CDK14: variants seen among roughly 807,000 people sequenced by gnomAD.
CDK14 encodes cyclin dependent kinase 14.
In CDK14, 34 loss-of-function variants were observed where a neutral mutation model predicts 60.7. The ratio of observed to expected loss-of-function variants is 0.56; its 90% CI spans 0.43 to 0.75. The LOEUF (loss-of-function observed/expected upper bound fraction) is 0.75, where lower values mean the gene tolerates loss of function less well. Among genes scored for constraint, CDK14 ranks in the 30% least tolerant of loss-of-function variants. The pLI is 0.00. For missense variants in CDK14, 482 were observed against 564.1 expected (o/e 0.85, Z 1.47); for synonymous variants, 197 against 203.7 (o/e 0.97, Z 0.28).
intron 9 of CDK14, among the ~76,000 whole-genome samples, chr7:90,958,371 A>G (rs529081742): frequency 6.6e-6 from 1 of 152,306 alleles, no homozygotes; most frequent in African/African-American, 2.4e-5. Context: ...AGAAAATCAG[A>G]TAATCATACA....
chr7:90,911,131 C>A (rs185638691), intron 7 of CDK14, among the ~76,000 whole-genome samples: 235 of 152,268 alleles, frequency 1.5e-3, no homozygotes, highest in African/African-American at 5.4e-3. Flanking sequence ...ATCTACCTGG[C>A]AGAGGTGTTG....
intron 2 of CDK14, among the ~76,000 whole-genome samples, chr7:90,700,055 C>T (rs1386622967): frequency 1.3e-5 from 2 of 152,062 alleles, no homozygotes; most frequent in Non-Finnish European, 1.5e-5. Context: ...GTCCCCAAAG[C>T]TATATTTTTC....
At chr7:91,058,477 C>G (rs1284542792) in intron 11 of CDK14, among the ~76,000 whole-genome samples, 1 of 152,178 alleles carries the variant, frequency 6.6e-6, no homozygotes, top group Non-Finnish European at 1.5e-5. Flanking sequence ...GCATCCCTGT[C>G]TTGTGCCAGT....
At chr7:90,977,054 T>G (rs1440448569) in intron 9 of CDK14, among the ~76,000 whole-genome samples, 1 of 152,178 alleles carries the variant, frequency 6.6e-6, no homozygotes, top group Non-Finnish European at 1.5e-5. Flanking sequence ...TTCTAGTAGT[T>G]TTACCGTTTT....
At chr7:91,160,116 A>G (rs1801121305) in intron 14 of CDK14, among the ~76,000 whole-genome samples, 1 of 152,230 alleles carries the variant, frequency 6.6e-6, no homozygotes, top group Non-Finnish European at 1.5e-5. Context: ...GAGATGATAC[A>G]AAGATTTCCT....
At chr7:91,071,408 G>A (rs1445331857) in intron 11 of CDK14, among the ~76,000 whole-genome samples, 6 of 151,830 alleles carry the variant, frequency 4.0e-5, no homozygotes, top group East Asian at 3.9e-4. Context: ...AGTGTAGTGC[G>A]GCGGCCCACC....
chr7:90,710,665 T>G (rs1191838090), intron 2 of CDK14: 1 of 489,584 alleles, frequency 2.0e-6, no homozygotes. Context: ...CCAGCTCTAA[T>G]AGTAGACTAT....
chr7:90,863,362 C>A, intron 6 of CDK14, 93 bp downstream of exon 6: 1 of 639,990 alleles, frequency 1.6e-6, no homozygotes, highest in Admixed American at 3.0e-5. Flanking sequence ...GATTGCTGTA[C>A]TGAAGTTAAT....
chr7:90,899,435 C>A, intron 7 of CDK14, 82 bp downstream of exon 7: 1 of 1,063,354 alleles, frequency 9.4e-7, no homozygotes, highest in Non-Finnish European at 1.3e-6. Flanking sequence ...TCTACCATAA[C>A]ATATTTAAAT....
chr7:90,665,284 A>ATAAG (rs1800952324), intron 2 of CDK14, among the ~76,000 whole-genome samples: 1 of 74,430 alleles, frequency 1.3e-5, no homozygotes, highest in South Asian at 5.2e-4. Flanking sequence ...ACACTGTCTC[A>ATAAG]TAAATAAATA....
intron 14 of CDK14, among the ~76,000 whole-genome samples, chr7:91,174,458 A>G (rs999749390): frequency 1.8e-3 from 280 of 152,066 alleles, no homozygotes; most frequent in South Asian, 6.0e-3. Flanking sequence ...CTGGATGGAG[A>G]ATGACTTTGA....
intron 14 of CDK14, among the ~76,000 whole-genome samples, chr7:91,180,199 CA>C (rs1801952120): frequency 6.6e-6 from 1 of 152,174 alleles, no homozygotes; most frequent in Admixed American, 6.5e-5. Flanking sequence ...CTTGAGTAAG[CA>C]TGATCATTAA....
intron 4 of CDK14, among the ~76,000 whole-genome samples, chr7:90,785,002 C>T (rs1458773538): frequency 1.3e-5 from 2 of 152,168 alleles, no homozygotes; most frequent in African/African-American, 4.8e-5. Context: ...CTCCAGCATT[C>T]TACTGTCACT....
rs775203221 is a variant in CDK14 at position 90,747,823 on chromosome 7, C to T, written c.464+48C>T. ...ATTTCACATGTACAGTGTATCTGCC[C>T]TCTTATTACTAAATAGCATTTTATT... On this transcript the variant is annotated intron_variant, in intron 4 of 14. Transcript: ENST00000380050. 2.1e-5 allele frequency: 17 copies of T among 827,350 alleles called. No homozygotes were observed. The South Asian group carries it at 3.8e-4, about 19-fold the overall frequency. 51.3% of individuals were successfully genotyped at this position (827,350 alleles called of 1,614,324 possible). A position where few individuals can be genotyped will look rare whatever the true frequency, so the allele number is the denominator to read the frequency against.
intron 11 of CDK14, among the ~76,000 whole-genome samples, chr7:91,060,154 G>A (rs1797732871): frequency 6.6e-6 from 1 of 151,804 alleles, no homozygotes; most frequent in South Asian, 2.1e-4. Context: ...TTACCATTAT[G>A]TAATGGCCTT....
chr7:90,718,895 A>G lies in CDK14; in HGVS notation c.124-7672A>G, dbSNP rs1802345179. ...TCTTCCTACCTCTCTCTTCTACCCA[A>G]AACTCTTGCACATCTATCCTTAATA... is the stretch of plus-strand genomic sequence containing the variant. On this transcript the variant is annotated intron_variant, in intron 2 of 14. Transcript: ENST00000380050. Among the ~76,000 whole-genome samples, 3 of 152,260 alleles carry G rather than the reference A, an allele frequency of 2.0e-5. No individual in the cohort carries two copies. In the South Asian group the frequency reaches 6.2e-4, roughly 32 times the overall value.
intron 6 of CDK14, among the ~76,000 whole-genome samples, chr7:90,879,227 T>A (rs535712860): frequency 6.6e-6 from 1 of 152,222 alleles, no homozygotes; most frequent in East Asian, 1.9e-4. Flanking sequence ...CTCACATGCA[T>A]GTTATATATA....
chr7:90,886,547 C>T (rs1163818137), intron 6 of CDK14, among the ~76,000 whole-genome samples: 1 of 152,104 alleles, frequency 6.6e-6, no homozygotes, highest in Non-Finnish European at 1.5e-5. Flanking sequence ...GGATTTTGTT[C>T]TTTCCCTTGA....
intron 8 of CDK14, among the ~76,000 whole-genome samples, chr7:90,942,099 C>T (rs533297961): frequency 2.2e-4 from 33 of 152,234 alleles, no homozygotes; most frequent in African/African-American, 7.2e-4. Flanking sequence ...GTGCTCTGCT[C>T]GGAGCTTAGA....
Sources: gnomAD v4.1 joint callset for allele counts (sites outside exome capture counted in the v4.1 genomes callset) on GRCh38, gnomAD v4.1.1 for gene constraint, MANE v1.5 for transcripts, NCBI Gene and HGNC (gene_info 2026-07-23, HGNC 2026-07-21) for gene names.